The following FHIT variants were observed in gnomAD, a reference collection of about 807,000 sequenced individuals.
FHIT encodes the protein fragile histidine triad diadenosine triphosphatase.
A neutral mutation model predicts 17.9 loss-of-function variants in FHIT; 19 were observed. That is an observed-to-expected ratio of 1.06 (90% CI 0.74 to 1.56). FHIT has a LOEUF of 1.56. Ranked by LOEUF, FHIT falls within the 40% of genes most tolerant of loss-of-function variation. The pLI is 0.00. For missense variants in FHIT, 248 were observed against 189.2 expected (o/e 1.31, Z -1.82); for synonymous variants, 81 against 69.7 (o/e 1.16, Z -0.81).
intron 5 of FHIT, among the ~76,000 whole-genome samples, chr3:60,375,822 A>G (rs1576561411): frequency 6.6e-6 from 1 of 152,076 alleles, no homozygotes; most frequent in East Asian, 1.9e-4. Flanking sequence ...GATCCTATAG[A>G]TGCAATGCTG....
chr3:60,121,286 AATATGACT>A (rs1705234362), intron 5 of FHIT, among the ~76,000 whole-genome samples: 1 of 152,194 alleles, frequency 6.6e-6, no homozygotes, highest in African/African-American at 2.4e-5. Context: ...TATAATCGAT[AATATGACT>A]ATAATAATGT....
chr3:60,486,112 T>G (rs563658821), intron 5 of FHIT, among the ~76,000 whole-genome samples: 22 of 152,234 alleles, frequency 1.4e-4, no homozygotes, highest in Middle Eastern at 3.4e-3. Flanking sequence ...TAATCTATGC[T>G]GTCCACTCTA....
intron 5 of FHIT, among the ~76,000 whole-genome samples, chr3:60,503,835 A>G (rs1227441833): frequency 1.3e-5 from 2 of 152,178 alleles, no homozygotes; most frequent in Non-Finnish European, 2.9e-5. Context: ...TAAAAGATTA[A>G]CAGGGATTAT....
chr3:61,152,623 T>C (rs2037426861), intron 2 of FHIT, among the ~76,000 whole-genome samples: 1 of 151,962 alleles, frequency 6.6e-6, no homozygotes, highest in Non-Finnish European at 1.5e-5. Context: ...AGAGATGAGA[T>C]GAGAAAGCAA....
chr3:60,594,931 C>T (rs1207123500), intron 4 of FHIT, among the ~76,000 whole-genome samples: 2 of 152,036 alleles, frequency 1.3e-5, no homozygotes, highest in African/African-American at 4.8e-5. Flanking sequence ...CCAGTCCTTC[C>T]AACTGTATTC....
intron 5 of FHIT, among the ~76,000 whole-genome samples, chr3:60,203,983 A>C (rs557583405): frequency 6.6e-6 from 1 of 152,242 alleles, no homozygotes; most frequent in South Asian, 2.1e-4. Context: ...GTGAGTATAA[A>C]AAATAGAAAG....
chr3:60,521,730 G>C (rs2035374867), intron 5 of FHIT, among the ~76,000 whole-genome samples: 1 of 152,120 alleles, frequency 6.6e-6, no homozygotes, highest in African/African-American at 2.4e-5. Flanking sequence ...AATGACCTAA[G>C]TTTCCCCATA....
At chr3:60,335,625 G>C (rs755714961) in intron 5 of FHIT, among the ~76,000 whole-genome samples, 2 of 152,012 alleles carry the variant, frequency 1.3e-5, no homozygotes. Context: ...AGCCCAAATC[G>C]GGTGCTGTGT....
rs71089574 is a variant in FHIT, at chr3:60,066,630, A to AT, written c.104-52479dup. ...ATAGGTTGATTTTAATCCCTGACAA[A>AT]TTTTTTTTTTTTTTTTTTTTTTTTT... On this transcript the variant is annotated intron_variant, in intron 5 of 9. Coordinates refer to ENST00000492590, the MANE Select transcript of FHIT (RefSeq NM_002012.4). Among the ~76,000 whole-genome samples, 392 of 51,388 alleles carry AT rather than the reference A, an allele frequency of 7.6e-3. 55 individuals are homozygous for AT. The highest frequency in any genetic ancestry group is 0.011 in the Non-Finnish European group (296 of 27,674). 33.7% of individuals were successfully genotyped at this position (51,388 alleles called of 152,430 possible). A position where few individuals can be genotyped will look rare whatever the true frequency, so the allele number is the denominator to read the frequency against.
chr3:61,114,492 T>C (rs576839475), intron 2 of FHIT, among the ~76,000 whole-genome samples: 10 of 152,276 alleles, frequency 6.6e-5, no homozygotes, highest in African/African-American at 2.4e-4. Context: ...ACCTCTTTCT[T>C]CATGCATAAA....
chr3:59,861,063 G>C (rs1481634296), intron 8 of FHIT, among the ~76,000 whole-genome samples: 5 of 152,100 alleles, frequency 3.3e-5, no homozygotes, highest in Non-Finnish European at 7.3e-5. Context: ...GCAGAAACTT[G>C]AAACAGAGCT....
At chr3:60,321,969 A>C (rs1050270482) in intron 5 of FHIT, among the ~76,000 whole-genome samples, 1 of 152,196 alleles carries the variant, frequency 6.6e-6, no homozygotes, top group South Asian at 2.1e-4. Flanking sequence ...TAATAGAATC[A>C]TGTTGGGTAT....
intron 2 of FHIT, among the ~76,000 whole-genome samples, chr3:61,165,267 A>C (rs1436118767): frequency 6.6e-6 from 1 of 152,196 alleles, no homozygotes; most frequent in African/African-American, 2.4e-5. Context: ...ACAGTTTATA[A>C]GCATCCTTTT....
intron 5 of FHIT, among the ~76,000 whole-genome samples, chr3:60,336,152 G>T (rs1710228765): frequency 1.3e-5 from 2 of 152,172 alleles, no homozygotes; most frequent in African/African-American, 4.8e-5. Context: ...TCAGCAGCAA[G>T]CTGTGCACTC....
At chr3:60,944,646 G>C (rs1046008029) in intron 3 of FHIT, among the ~76,000 whole-genome samples, 1 of 152,184 alleles carries the variant, frequency 6.6e-6, no homozygotes, top group Non-Finnish European at 1.5e-5. Flanking sequence ...ATGGGCTAAT[G>C]AGAAAAGAAC....
rs554913643 is a variant in FHIT at position 60,549,488 on chromosome 3, A to G, written c.-17-12509T>C. ...GCATTAATTCCTAGATTTGAGAATC[A>G]CTGTGTTCAAAGTATATTGAACTAT... On this transcript the variant is annotated intron_variant, in intron 4 of 9. Transcript: ENST00000492590. Among the ~76,000 whole-genome samples the G allele has an allele frequency of 1.1e-3, 165 of 152,300 alleles. 3 individuals carry two copies. The highest frequency in any genetic ancestry group is 3.5e-3 in the African/African-American group (145 of 41,574).
chr3:60,262,471 C>G (rs1267693276), intron 5 of FHIT, among the ~76,000 whole-genome samples: 2 of 151,956 alleles, frequency 1.3e-5, no homozygotes, highest in African/African-American at 4.8e-5. Flanking sequence ...CTTTTTGGTT[C>G]TGGGAAATGG....
intron 5 of FHIT, among the ~76,000 whole-genome samples, chr3:60,467,926 A>T (rs1389313055): frequency 6.6e-6 from 1 of 152,042 alleles, no homozygotes; most frequent in Non-Finnish European, 1.5e-5. Context: ...CTATTATTGT[A>T]TTGGGGTCTT....
chr3:59,863,500 T>A (rs1702497287), intron 8 of FHIT, among the ~76,000 whole-genome samples: 1 of 152,192 alleles, frequency 6.6e-6, no homozygotes, highest in Non-Finnish European at 1.5e-5. Context: ...ATCCATCACA[T>A]CTGTAATTAT....
Sources: gnomAD v4.1 joint callset for allele counts (sites outside exome capture counted in the v4.1 genomes callset) on GRCh38, gnomAD v4.1.1 for gene constraint, MANE v1.5 for transcripts, NCBI Gene and HGNC (gene_info 2026-07-23, HGNC 2026-07-21) for gene names.